Variants in MAP4K5 observed in about 807,000 individuals in gnomAD.
MAP4K5 encodes the protein mitogen-activated protein kinase kinase kinase kinase 5.
In MAP4K5, 82 loss-of-function variants were observed where a neutral mutation model predicts 135.6. The observed-to-expected ratio is 0.60, with a 90% CI of 0.51 to 0.73. MAP4K5 has a LOEUF of 0.73. Among genes scored for constraint, MAP4K5 ranks in the 30% least tolerant of loss-of-function variants. The probability of loss-of-function intolerance (pLI) is 0.00; values close to 1 mark genes in which losing one functional copy is unlikely to be tolerated. For missense variants in MAP4K5, 907 were observed against 1,010.9 expected (o/e 0.90, Z 1.39); for synonymous variants, 347 against 335.0 (o/e 1.04, Z -0.39).
chr14:50,474,380 C>T (rs573954490), intron 9 of MAP4K5, among the ~76,000 whole-genome samples: 1 of 151,182 alleles, frequency 6.6e-6, no homozygotes, highest in African/African-American at 2.4e-5. Context: ...CAGAATGAAA[C>T]CCTGTCTCAG....
chr14:50,507,216 G>C (rs1388940515), intron 2 of MAP4K5, among the ~76,000 whole-genome samples: 1 of 152,182 alleles, frequency 6.6e-6, no homozygotes, highest in Non-Finnish European at 1.5e-5. Context: ...ACTTAGTTTA[G>C]TAAAGCAGAC....
At chr14:50,454,115 CACATGACTCTAACAG>C (rs1028845233) in intron 14 of MAP4K5, among the ~76,000 whole-genome samples, 2 of 152,142 alleles carry the variant, frequency 1.3e-5, no homozygotes, top group Non-Finnish European at 2.9e-5. Flanking sequence ...ACTATTACTA[CACATGACTCTAACAG>C]ACATAAAGTT....
intron 1 of MAP4K5, among the ~76,000 whole-genome samples, chr14:50,553,922 A>G (rs561682949): frequency 6.6e-6 from 1 of 152,282 alleles, no homozygotes; most frequent in African/African-American, 2.4e-5. Flanking sequence ...AGGCATAAGA[A>G]TGATATAATG....
At chr14:50,426,279 TC>T (rs1413792815) in intron 30 of MAP4K5, among the ~76,000 whole-genome samples, 2 of 152,212 alleles carry the variant, frequency 1.3e-5, no homozygotes, top group African/African-American at 4.8e-5. Context: ...ATACAGTGTA[TC>T]TTTTGTCTTA....
At chr14:50,520,981 C>A (rs1025409214) in intron 2 of MAP4K5, among the ~76,000 whole-genome samples, 1 of 152,096 alleles carries the variant, frequency 6.6e-6, no homozygotes, top group Non-Finnish European at 1.5e-5. Context: ...CACCACCACA[C>A]CCAGCTAATT....
intron 1 of MAP4K5, among the ~76,000 whole-genome samples, chr14:50,546,906 C>G (rs1329625228): frequency 6.6e-6 from 1 of 151,972 alleles, no homozygotes; most frequent in Non-Finnish European, 1.5e-5. Flanking sequence ...GTTACATAGG[C>G]ATACACGTGC....
chr14:50,518,274 T>A (rs1026457601), intron 2 of MAP4K5, among the ~76,000 whole-genome samples: 2 of 152,214 alleles, frequency 1.3e-5, no homozygotes, highest in Non-Finnish European at 2.9e-5. Flanking sequence ...ATTTTTTTTT[T>A]ATTTTTACTT....
chr14:50,441,173 C>G (rs920713026), intron 21 of MAP4K5, among the ~76,000 whole-genome samples: 5 of 152,060 alleles, frequency 3.3e-5, no homozygotes, highest in African/African-American at 1.2e-4. Flanking sequence ...AACAGATTGT[C>G]AATGGATGCT....
chr14:50,461,985 T>A (rs1264572948), intron 13 of MAP4K5, among the ~76,000 whole-genome samples: 1 of 152,052 alleles, frequency 6.6e-6, no homozygotes, highest in African/African-American at 2.4e-5. Context: ...AGCACAGTTA[T>A]GAATAGCCCT....
Position 50,448,812 on chromosome 14 carries a change from GT to G in MAP4K5, c.1035del (p.Glu345AspfsTer4). The G allele has an allele frequency of 6.5e-7, 1 of 1,543,500 alleles. No homozygotes were observed. Among genetic ancestry groups the G allele is most frequent in the Non-Finnish European group, 8.8e-7 (1 of 1,136,320 alleles). ...SEINFDKLQF[E>X]PPLRKETEAR... The stretch of plus-strand genomic sequence containing the variant: ...GCTTCTGTTTCTTTTCTCAGAGGAG[GT>G]TCAAATTGTAATTTGTCAACTGCAA... On this transcript the variant is annotated frameshift_variant, in exon 15 of 33. Coordinates refer to ENST00000682126, the MANE Select transcript of MAP4K5 (RefSeq NM_006575.6). LOFTEE classifies it high-confidence loss of function.
At chr14:50,547,879 G>T (rs1164523559) in intron 1 of MAP4K5, among the ~76,000 whole-genome samples, 2 of 152,152 alleles carry the variant, frequency 1.3e-5, no homozygotes, top group Non-Finnish European at 2.9e-5. Flanking sequence ...GGACTTTCCA[G>T]GTACTACCAA....
In MAP4K5 at chr14:50,446,103, T is replaced by G; in HGVS notation, c.1161A>C (p.Ala387=). The change falls in exon 17 of 33, where the codon GCA becomes GCC. Residue 387 remains alanine, a synonymous_variant. Coordinates refer to ENST00000682126, the MANE Select transcript of MAP4K5 (RefSeq NM_006575.6). ...CCTTAGGAGGTAGGGGAGGTGGTAT[T>G]GCACGTTTTGAGGTTGATCTAATAC... ...ANTGKSTSKR[A]IPPPLPPKPR... is the part of the protein sequence containing the mutation. 5 of 1,574,550 alleles carry G rather than the reference T, an allele frequency of 3.2e-6. No individual in the cohort carries two copies. The highest frequency in any genetic ancestry group is 4.3e-6 in the Non-Finnish European group (5 of 1,163,440).
chr14:50,433,535 T>C (rs1414141196), intron 28 of MAP4K5, among the ~76,000 whole-genome samples: 1 of 152,226 alleles, frequency 6.6e-6, no homozygotes, highest in Non-Finnish European at 1.5e-5. Flanking sequence ...CTGATTCTTA[T>C]GTTGAAAGTG....
chr14:50,504,046 T>C (rs2037760550), intron 3 of MAP4K5, among the ~76,000 whole-genome samples: 1 of 152,088 alleles, frequency 6.6e-6, no homozygotes, highest in African/African-American at 2.4e-5. Flanking sequence ...TTTTAAAGTG[T>C]TCCAGCATAT....
upstream of MAP4K5, among the ~76,000 whole-genome samples, chr14:50,533,947 A>G (rs1330560000): frequency 1.3e-5 from 2 of 152,236 alleles, no homozygotes; most frequent in Non-Finnish European, 2.9e-5. Flanking sequence ...TACATGCTCC[A>G]TGGACAAAGC....
At chr14:50,534,328 G>A (rs565960785), upstream of MAP4K5, among the ~76,000 whole-genome samples, 13 of 152,226 alleles carry the variant, frequency 8.5e-5, no homozygotes, top group African/African-American at 2.9e-4. Flanking sequence ...GTGACAAATC[G>A]GCCAACCAGA....
intron 1 of MAP4K5, among the ~76,000 whole-genome samples, chr14:50,553,369 A>G (rs923406968): frequency 6.6e-6 from 1 of 152,192 alleles, no homozygotes; most frequent in African/African-American, 2.4e-5. Flanking sequence ...CAAAATCACT[A>G]TAAGGGAAAT....
At chr14:50,456,084 C>T (rs2036588958) in intron 14 of MAP4K5, among the ~76,000 whole-genome samples, 1 of 151,966 alleles carries the variant, frequency 6.6e-6, no homozygotes, top group African/African-American at 2.4e-5. Flanking sequence ...AGAATGCAAT[C>T]GCTAAACAGA....
At position 50,434,427 on chromosome 14, in the gene MAP4K5, A is replaced by G; in HGVS notation, c.2131T>C (p.Ser711Pro). 6.2e-7 allele frequency: 1 copy of G among 1,609,688 alleles called. No individual in the cohort carries two copies. Among genetic ancestry groups the G allele is most frequent in the Non-Finnish European group, 8.5e-7 (1 of 1,177,898 alleles). The change falls in exon 28 of 33, where the codon TCT (serine) becomes CCT (proline). Residue 711 changes from serine to proline, a missense_variant. Transcript: ENST00000682126. ...VVQFETINLN[S>P]ASSWFTEIGA... Reference sequence around the variant, plus strand: ...ATTTCTGTAAACCATGAAGATGCAGAGTTCAAATTGATTGTCTCAAACTGA... The same window carrying G: ...ATTTCTGTAAACCATGAAGATGCAGGGTTCAAATTGATTGTCTCAAACTGA...
Sources: allele counts gnomAD v4.1 joint callset (sites outside exome capture counted in the v4.1 genomes callset), GRCh38; gene constraint gnomAD v4.1.1; transcripts MANE v1.5; gene names NCBI Gene and HGNC (gene_info 2026-07-23, HGNC 2026-07-21).